Variants in ULK4 observed in about 807,000 individuals in gnomAD.
The protein encoded by ULK4 is inactive serine/threonine-protein kinase ULK4.
ULK4 carries 133 observed loss-of-function variants against 160.6 expected under a neutral mutation model. That is an observed-to-expected ratio of 0.83 (90% CI 0.72 to 0.96). The LOEUF (loss-of-function observed/expected upper bound fraction) is 0.96. ULK4 is among the 40% of genes least tolerant of loss of function. The pLI, the probability that ULK4 is intolerant of heterozygous loss-of-function variation, is 0.00. For missense variants in ULK4, 1,580 were observed against 1,499.5 expected (o/e 1.05, Z -0.89); for synonymous variants, 534 against 539.8 (o/e 0.99, Z 0.15).
At chr3:41,844,719 G>A (rs1452811690) in intron 17 of ULK4, among the ~76,000 whole-genome samples, 1 of 150,510 alleles carries the variant, frequency 6.6e-6, no homozygotes, top group Non-Finnish European at 1.5e-5. Flanking sequence ...CCAGCACGCT[G>A]TCACCTCTCA....
At chr3:41,492,604 A>C (rs1379044764) in intron 32 of ULK4, among the ~76,000 whole-genome samples, 1 of 151,226 alleles carries the variant, frequency 6.6e-6, no homozygotes, top group African/African-American at 2.5e-5. Flanking sequence ...AATTGGACTA[A>C]ATGCTCCAAT....
In ULK4 at chr3:41,938,095, T is replaced by TA; in HGVS notation, c.238+2dup. 1 of 1,600,622 alleles carries TA rather than the reference T, an allele frequency of 6.2e-7. No individual in the cohort carries two copies. The highest frequency in any genetic ancestry group is 2.2e-5 in the East Asian group (1 of 44,768). On this transcript the variant is annotated splice_region_variant and intron_variant, in intron 3 of 36. Coordinates refer to ENST00000301831, the MANE Select transcript of ULK4 (RefSeq NM_017886.4). ...ATAGCACTTTTTACATACTCTTTCTTACCTGTGCAGAGTTCCACCACTAGC... is the reference window on the plus strand; with the variant it reads ...ATAGCACTTTTTACATACTCTTTCTTAACCTGTGCAGAGTTCCACCACTAGC...
intron 35 of ULK4, among the ~76,000 whole-genome samples, chr3:41,326,930 T>G (rs1176695575): frequency 6.6e-6 from 1 of 152,210 alleles, no homozygotes; most frequent in Non-Finnish European, 1.5e-5. Flanking sequence ...ACTGTGGCAA[T>G]GTTTCACGTA....
rs189637581 is a variant in ULK4 at position 41,724,885 on chromosome 3, G to A, written c.2322-7024C>T. On this transcript the variant is annotated intron_variant, in intron 22 of 36. Coordinates refer to ENST00000301831, the MANE Select transcript of ULK4 (RefSeq NM_017886.4). The stretch of plus-strand genomic sequence containing the variant: ...AATTAGGTTAAGCATCTTTTCAGGT[G>A]TTAATTGACCATCTGGAGATAACCA... Among the ~76,000 whole-genome samples, 17 of 152,310 alleles carry A rather than the reference G, an allele frequency of 1.1e-4. No individual in the cohort carries two copies. In the East Asian group the frequency reaches 3.3e-3, roughly 29 times the overall value.
intron 32 of ULK4, among the ~76,000 whole-genome samples, chr3:41,550,224 G>C (rs2087009609): frequency 6.6e-6 from 1 of 151,372 alleles, no homozygotes; most frequent in Non-Finnish European, 1.5e-5. Flanking sequence ...GAGAAAGAAA[G>C]AAACAAAAGA....
chr3:41,734,728 A>C (rs2037967499), intron 22 of ULK4, among the ~76,000 whole-genome samples: 1 of 152,208 alleles, frequency 6.6e-6, no homozygotes, highest in African/African-American at 2.4e-5. Flanking sequence ...CCCAAGTTGC[A>C]CTGAAGCATT....
intron 20 of ULK4, among the ~76,000 whole-genome samples, chr3:41,796,538 C>G (rs1205379944): frequency 6.6e-6 from 1 of 151,724 alleles, no homozygotes; most frequent in Admixed American, 6.6e-5. Context: ...GTTGCAGTGG[C>G]CTGAGATTGC....
At chr3:41,732,460 A>G (rs1247438586) in intron 22 of ULK4, among the ~76,000 whole-genome samples, 2 of 152,104 alleles carry the variant, frequency 1.3e-5, no homozygotes, top group Admixed American at 6.6e-5. Flanking sequence ...AATAATAATA[A>G]TAATAATGAC....
chr3:41,900,662 T>C, intron 13 of ULK4, 63 bp downstream of exon 13: 1 of 1,249,436 alleles, frequency 8.0e-7, no homozygotes, highest in East Asian at 2.4e-5. Context: ...TGAATGAAAA[T>C]CTCATGCAGA....
intron 31 of ULK4, among the ~76,000 whole-genome samples, chr3:41,574,529 C>CCCTT (rs2088116618): frequency 1.3e-5 from 1 of 74,266 alleles, no homozygotes; most frequent in East Asian, 2.8e-4. Flanking sequence ...TACCAGAGTC[C>CCCTT]TCTTTTTTTT....
chr3:41,314,659 T>C (rs2080114391), intron 35 of ULK4, among the ~76,000 whole-genome samples: 2 of 152,204 alleles, frequency 1.3e-5, no homozygotes, highest in South Asian at 2.1e-4. Flanking sequence ...ATGGGGGTGG[T>C]ATATTTTATT....
At chr3:41,863,724 G>A (rs1281187987) in intron 17 of ULK4, among the ~76,000 whole-genome samples, 1 of 151,940 alleles carries the variant, frequency 6.6e-6, no homozygotes, top group African/African-American at 2.4e-5. Flanking sequence ...GGCCCAGGGT[G>A]TTCTAGAAAT....
chr3:41,720,424 A>AT (rs1375483389), intron 22 of ULK4, among the ~76,000 whole-genome samples: 1 of 128,896 alleles, frequency 7.8e-6, no homozygotes, highest in African/African-American at 4.3e-5. Flanking sequence ...AGCTAAAAAA[A>AT]TAAAAAACTT....
chr3:41,466,252 C>A (rs79294631), intron 32 of ULK4, among the ~76,000 whole-genome samples: 14,091 of 152,008 alleles, frequency 0.093, 1,195 homozygotes, highest in East Asian at 0.52. Context: ...ACTTAGAGTC[C>A]ATGGTCTGAG....
intron 22 of ULK4, among the ~76,000 whole-genome samples, chr3:41,721,355 TA>T (rs1559507676): frequency 4.2e-4 from 29 of 68,324 alleles, no homozygotes; most frequent in East Asian, 2.3e-3. Flanking sequence ...TATATATATA[TA>T]TATATATTTT....
intron 21 of ULK4, among the ~76,000 whole-genome samples, chr3:41,774,265 C>T (rs1300052456): frequency 1.7e-4 from 25 of 150,796 alleles, no homozygotes; most frequent in East Asian, 9.7e-4. Flanking sequence ...CAAAAGAAAC[C>T]ACCATCAGAG....
chr3:41,511,774 C>G (rs1173191233), intron 32 of ULK4, among the ~76,000 whole-genome samples: 1 of 152,072 alleles, frequency 6.6e-6, no homozygotes, highest in African/African-American at 2.4e-5. Context: ...GAAATCTCCC[C>G]TAAATCATTC....
chr3:41,335,040 T>C (rs73831319), intron 35 of ULK4, among the ~76,000 whole-genome samples: 6,593 of 152,234 alleles, frequency 0.043, 355 homozygotes, highest in East Asian at 0.19. Flanking sequence ...AAAAGTAAAC[T>C]GCTATTTACA....
At chr3:41,608,163 C>G (rs376523548) in intron 31 of ULK4, among the ~76,000 whole-genome samples, 1 of 152,122 alleles carries the variant, frequency 6.6e-6, no homozygotes, top group Non-Finnish European at 1.5e-5. Context: ...CAATTTCACC[C>G]GGTAGAACTA....
Sources: gnomAD v4.1 joint callset for allele counts (sites outside exome capture counted in the v4.1 genomes callset) on GRCh38, gnomAD v4.1.1 for gene constraint, MANE v1.5 for transcripts, NCBI Gene and HGNC (gene_info 2026-07-23, HGNC 2026-07-21) for gene names.